REV3L: variants seen among roughly 807,000 people sequenced by gnomAD.
REV3L encodes REV3 like, DNA directed polymerase zeta catalytic subunit.
Under a neutral mutation model 299.4 loss-of-function variants are expected in REV3L, and 69 were observed. The observed-to-expected ratio is 0.23, with a 90% CI of 0.19 to 0.28. The LOEUF is 0.28. Among genes scored for constraint, REV3L ranks in the 10% least tolerant of loss-of-function variants. The pLI is 1.00. For synonymous variants in REV3L, 1,238 were observed against 1,271.4 expected (o/e 0.97, Z 0.56); for missense variants, 3,128 against 3,693.8 (o/e 0.85, Z 3.97).
chr6:111,477,023 G>A (rs1254122985), intron 1 of REV3L, among the ~76,000 whole-genome samples: 1 of 151,802 alleles, frequency 6.6e-6, no homozygotes, highest in Non-Finnish European at 1.5e-5. Context: ...TTTATACTTC[G>A]GTGTATTTTT....
chr6:111,438,200 T>C (rs1257791273), intron 1 of REV3L, among the ~76,000 whole-genome samples: 4 of 151,958 alleles, frequency 2.6e-5, no homozygotes, highest in South Asian at 2.1e-4. Flanking sequence ...TTTAAACTTA[T>C]CTATACTCAT....
intron 21 of REV3L, among the ~76,000 whole-genome samples, chr6:111,336,370 T>A (rs1775897270): frequency 6.6e-6 from 1 of 152,144 alleles, no homozygotes; most frequent in Non-Finnish European, 1.5e-5. Flanking sequence ...TAATCTTTAA[T>A]TATATTGCTT....
At chr6:111,418,722 C>A (rs151001299) in intron 1 of REV3L, among the ~76,000 whole-genome samples, 1 of 152,184 alleles carries the variant, frequency 6.6e-6, no homozygotes, top group Non-Finnish European at 1.5e-5. Context: ...ATGTTGGCTT[C>A]CTTAATTCCT....
intron 1 of REV3L, among the ~76,000 whole-genome samples, chr6:111,447,739 T>C (rs1217863251): frequency 6.6e-6 from 1 of 152,206 alleles, no homozygotes; most frequent in African/African-American, 2.4e-5. Flanking sequence ...TGGACTGGAT[T>C]TGGCTCACAG....
At chr6:111,414,653 T>C (rs1203269185) in intron 2 of REV3L, among the ~76,000 whole-genome samples, 4 of 152,168 alleles carry the variant, frequency 2.6e-5, no homozygotes, top group Non-Finnish European at 4.4e-5. Context: ...GGATTTCATA[T>C]GGACATAAAA....
Position 111,373,371 on chromosome 6 carries a change from A to G in REV3L, c.4984T>C (p.Ser1662Pro). ...IGQTGFCSFYSGSQFVPADQN... is the reference protein window; with the variant it reads ...IGQTGFCSFYPGSQFVPADQN... ...TCAGCTGGGACAAACTGACTTCCAG[A>G]ATAAAAGCTACAAAATCCAGTCTGA... Residue 1662 changes from serine to proline, a missense_variant, in exon 13 of 32, where the codon TCT (serine) becomes CCT (proline). Physicochemically the swap from Ser to Pro is moderately conservative, Grantham distance 74. This residue lies in a region of REV3L where 2,409 missense variants were observed against 2,611.8 expected (regional missense o/e 0.92). Transcript: ENST00000368802. The G allele has an allele frequency of 6.2e-7, 1 of 1,613,666 alleles. No individual in the cohort carries two copies. The highest frequency in any genetic ancestry group is 8.5e-7 in the Non-Finnish European group (1 of 1,179,856).
intron 26 of REV3L, 44 bp downstream of exon 26, chr6:111,322,525 C>A: frequency 7.2e-7 from 1 of 1,395,898 alleles, no homozygotes; most frequent in Non-Finnish European, 1.0e-6. Flanking sequence ...AAATGAAGAT[C>A]TAGAGAGATG....
At position 111,313,453 on chromosome 6, in the gene REV3L, A is replaced by G. The variant is rs1773192747; in HGVS notation, c.8503T>C (p.Tyr2835His). The G allele has an allele frequency of 6.2e-7, 1 of 1,612,334 alleles. No homozygotes were observed. The highest frequency in any genetic ancestry group is 1.3e-5 in the African/African-American group (1 of 74,942). ...AGTGTTTCATACATGTAACCCACAT[A>G]CCTCTTTTTTGTTTGTAAAACACAG... ...LPCVLQTKKR[Y>H]VGYMYETLDQ... The change falls in exon 28 of 32, where the codon TAT becomes CAT. Residue 2835 changes from tyrosine (Y) to histidine (H), a missense_variant. By Grantham distance (83) the Tyr-to-His change is moderately conservative. Coordinates refer to ENST00000368802, the MANE Select transcript of REV3L (RefSeq NM_001372078.1).
intron 25 of REV3L, among the ~76,000 whole-genome samples, chr6:111,324,894 C>A (rs1046255746): frequency 6.7e-6 from 1 of 150,340 alleles, no homozygotes; most frequent in African/African-American, 2.5e-5. Flanking sequence ...TGGAGTCTCA[C>A]TCTGTCGCCC....
chr6:111,447,100 C>A (rs577381983), intron 1 of REV3L, among the ~76,000 whole-genome samples: 81 of 152,116 alleles, frequency 5.3e-4, no homozygotes, highest in African/African-American at 1.7e-3. Context: ...ACCTACCATC[C>A]CAAAATATAT....
chr6:111,437,240 A>G (rs1021535907), intron 1 of REV3L, among the ~76,000 whole-genome samples: 1 of 152,204 alleles, frequency 6.6e-6, no homozygotes, highest in African/African-American at 2.4e-5. Context: ...TCCTAGGTAT[A>G]TGTCTAAGAG....
chr6:111,358,974 C>T lies in REV3L; in HGVS notation c.6920G>A (p.Arg2307Gln), dbSNP rs1230617155. 3.7e-6 allele frequency: 6 copies of T among 1,613,750 alleles called. No homozygotes were observed. Among genetic ancestry groups the T allele is most frequent in the East Asian group, 2.2e-5 (1 of 44,886 alleles). ...LTLISVELHARTRRDLEPDPE... is the reference protein window; with the variant it reads ...LTLISVELHAQTRRDLEPDPE... The stretch of plus-strand genomic sequence containing the variant: ...ATCCGGTTCTAAGTCTCGTCTAGTT[C>T]GAGCATGCAACTCCACACTGATTAG... The change falls in exon 17 of 32, where the codon CGA (arginine) becomes CAA (glutamine). Residue 2307 changes from arginine (R) to glutamine (Q), a missense_variant. By Grantham distance (43) the Arg-to-Gln change is conservative (BLOSUM62 1). Coordinates refer to ENST00000368802, the MANE Select transcript of REV3L (RefSeq NM_001372078.1).
intron 21 of REV3L, 114 bp from the exon 22 acceptor site, chr6:111,335,724 G>T: frequency 9.4e-7 from 1 of 1,061,030 alleles, no homozygotes; most frequent in East Asian, 2.7e-5. Context: ...CTTAAGGAAA[G>T]AGTAATGATA....
chr6:111,392,633 T>C (rs1782051718), intron 5 of REV3L: 2 of 301,640 alleles, frequency 6.6e-6, no homozygotes, highest in Admixed American at 9.1e-5. Flanking sequence ...TGCAGAAAAG[T>C]ATAACAATAT....
Position 111,376,700 on chromosome 6 carries a change from T to C in REV3L, c.1655A>G (p.Lys552Arg), listed in dbSNP as rs1424970456. The C allele has an allele frequency of 3.7e-6, 6 of 1,605,374 alleles. No individual in the cohort carries two copies. In the East Asian group the frequency reaches 6.7e-5, roughly 18 times the overall value. ...AAAGATGGAGGGTTTAACTGAAAGC[T>C]TGCTTGTTGCAATTACAGAAGAGTG... ...RTHSSVIATS[K>R]LSVKPSIFHK... Residue 552 changes from lysine (K) to arginine (R), a missense_variant, in exon 13 of 32, where the codon AAG becomes AGG. Around this residue, in one of 9 missense-constraint regions of REV3L, gnomAD observed 2,409 missense variants for 2,611.8 expected, o/e 0.92. Coordinates refer to ENST00000368802, the MANE Select transcript of REV3L (RefSeq NM_001372078.1).
In REV3L at chr6:111,318,673, C is replaced by T. The variant is rs189798445; in HGVS notation, c.8352-3292G>A. On this transcript the variant is annotated intron_variant, in intron 26 of 31. Transcript: ENST00000368802. Reference sequence around the variant, plus strand: ...CGCAACCTCTGCCTCCCAAGTCAAGCGATTCTCCTGCCTCAGCTTCCCGAG... The same window carrying T: ...CGCAACCTCTGCCTCCCAAGTCAAGTGATTCTCCTGCCTCAGCTTCCCGAG... Among the ~76,000 whole-genome samples the T allele has an allele frequency of 5.8e-4, 88 of 152,126 alleles. 3 individuals carry two copies. The East Asian group carries it at 0.014, about 24-fold the overall frequency.
intron 31 of REV3L, among the ~76,000 whole-genome samples, chr6:111,302,855 T>C (rs899626573): frequency 2.0e-5 from 3 of 152,136 alleles, no homozygotes; most frequent in South Asian, 2.1e-4. Context: ...TGAGCCAAGA[T>C]TGCACCAACT....
chr6:111,470,074 T>C (rs1791994523), intron 1 of REV3L, among the ~76,000 whole-genome samples: 1 of 152,004 alleles, frequency 6.6e-6, no homozygotes, highest in Admixed American at 6.6e-5. Context: ...TAAACACAAA[T>C]ACATTAATTC....
chr6:111,335,449 C>T lies in REV3L; in HGVS notation c.7680+20G>A, dbSNP rs1205085867. On this transcript the variant is annotated intron_variant, in intron 22 of 31. Coordinates refer to ENST00000368802, the MANE Select transcript of REV3L (RefSeq NM_001372078.1). ...CACTCATACAGAACTTTCAAGTCTG[C>T]AAGAAAACTGATTTCCCACCTGTGA... 1 of 1,601,746 alleles carries T rather than the reference C, an allele frequency of 6.2e-7. No individual in the cohort carries two copies. The highest frequency in any genetic ancestry group is 8.5e-7 in the Non-Finnish European group (1 of 1,174,950).
Sources: gnomAD v4.1 joint callset for allele counts (sites outside exome capture counted in the v4.1 genomes callset) on GRCh38, gnomAD v4.1.1 for gene constraint, gnomAD v4.1.1 regional missense constraint, MANE v1.5 for transcripts, NCBI Gene and HGNC (gene_info 2026-07-23, HGNC 2026-07-21) for gene names.